The following SMAGP variants were observed in gnomAD, a reference collection of about 807,000 sequenced individuals.
The protein encoded by SMAGP is small cell transmembrane and glycosylated protein.
Under a neutral mutation model 10.1 loss-of-function variants are expected in SMAGP, and 7 were observed. The ratio of observed to expected loss-of-function variants is 0.70; its 90% CI spans 0.40 to 1.31. The LOEUF (loss-of-function observed/expected upper bound fraction) is 1.31, where lower values mean the gene tolerates loss of function less well. Among genes scored for constraint, SMAGP ranks in the 50% most tolerant of loss-of-function variants. SMAGP has a pLI of 0.01. For synonymous variants in SMAGP, 49 were observed against 47.2 expected, an observed-to-expected ratio of 1.04 and a Z score of -0.16; for missense variants, 113 against 116.5, an observed-to-expected ratio of 0.97 and a Z score of 0.14.
chr12:51,246,604 CTG>C (rs59561227), intron 3 of SMAGP, 145 bp downstream of exon 3: 12,360 of 336,238 alleles, frequency 0.037, 4 homozygotes, highest in Middle Eastern at 0.052. Context: ...TCTTTTATGG[CTG>C]TGTGTGTGTG....
chr12:51,265,736 G>C (rs759652838), intron 2 of SMAGP, among the ~76,000 whole-genome samples: 1 of 152,116 alleles, frequency 6.6e-6, no homozygotes, highest in African/African-American at 2.4e-5. Flanking sequence ...GTCAAGTTTC[G>C]GTTTGGGAAG....
chr12:51,248,331 CCT>C (rs1458415919), intron 2 of SMAGP, among the ~76,000 whole-genome samples: 1 of 151,770 alleles, frequency 6.6e-6, no homozygotes, highest in East Asian at 1.9e-4. Context: ...TCTCTGGTCC[CCT>C]CTTTGTCTAG....
intron 2 of SMAGP, among the ~76,000 whole-genome samples, chr12:51,248,731 A>T (rs1372896730): frequency 6.6e-6 from 1 of 152,028 alleles, no homozygotes. Context: ...TTAAAAACCC[A>T]AGAGGACTGG....
intron 2 of SMAGP, among the ~76,000 whole-genome samples, chr12:51,256,388 G>A (rs965606763): frequency 6.6e-6 from 1 of 151,812 alleles, no homozygotes; most frequent in Non-Finnish European, 1.5e-5. Flanking sequence ...GAGTTCAAGA[G>A]CAGCCTGGGC....
chr12:51,254,315 G>A (rs571896909), intron 2 of SMAGP, among the ~76,000 whole-genome samples: 2 of 152,118 alleles, frequency 1.3e-5, no homozygotes, highest in African/African-American at 4.8e-5. Flanking sequence ...TTGGGAGGCC[G>A]AGGCGGGTGG....
Position 51,245,841 on chromosome 12 carries a change from A to G in SMAGP, c.*100T>C. On this transcript the variant is annotated 3_prime_UTR_variant, in exon 4 of 4. Coordinates refer to ENST00000603798, the MANE Select transcript of SMAGP (RefSeq NM_001031628.2). ...CTGGAGCTTGGATTTGCCCACATCA[A>G]TCAATGCTTCTCCCTGGCTTCAGAG... The G allele has an allele frequency of 7.2e-7, 1 of 1,385,144 alleles. No individual in the cohort carries two copies. Among genetic ancestry groups the G allele is most frequent in the Non-Finnish European group, 9.8e-7 (1 of 1,023,624 alleles). 85.8% of individuals were successfully genotyped at this position (1,385,144 alleles called of 1,614,324 possible). A position where few individuals can be genotyped will look rare whatever the true frequency, so the allele number is the denominator to read the frequency against.
chr12:51,256,982 T>G (rs1944891246), intron 2 of SMAGP, among the ~76,000 whole-genome samples: 1 of 152,074 alleles, frequency 6.6e-6, no homozygotes, highest in African/African-American at 2.4e-5. Flanking sequence ...AAGAGAAGTT[T>G]TGGTGAAGTG....
At chr12:51,248,422 ACACACACACACACTCTCTCTCTCT>A (rs1437474594) in intron 2 of SMAGP, among the ~76,000 whole-genome samples, 4 of 111,206 alleles carry the variant, frequency 3.6e-5, no homozygotes, top group East Asian at 3.4e-4. Flanking sequence ...ACACACACAC[ACACACACACACACTCTCTCTCTCT>A]CTCTCTCTCT....
chr12:51,259,703 A>G lies in SMAGP; in HGVS notation c.34+9542T>C, dbSNP rs144116561. Among the ~76,000 whole-genome samples the G allele has an allele frequency of 1.2e-4, 19 of 152,202 alleles. No homozygotes were observed. In the East Asian group the frequency reaches 1.9e-3, roughly 15 times the overall value. On this transcript the variant is annotated intron_variant, in intron 2 of 3. Transcript: ENST00000603798. ...TTACAGATAGGTTGTGGAATTCCCA[A>G]TGATTTTAATTTTCTTCTTTTTTTC...
At chr12:51,258,566 T>C (rs1944905198) in intron 2 of SMAGP, among the ~76,000 whole-genome samples, 1 of 150,704 alleles carries the variant, frequency 6.6e-6, no homozygotes, top group Non-Finnish European at 1.5e-5. Context: ...CACTCCAGCC[T>C]GGGCAACAAG....
intron 2 of SMAGP, among the ~76,000 whole-genome samples, chr12:51,254,494 C>T (rs1944869663): frequency 6.6e-6 from 1 of 151,976 alleles, no homozygotes; most frequent in Non-Finnish European, 1.5e-5. Flanking sequence ...CTGCAGTGAG[C>T]CGAGATTGCA....
Position 51,248,399 on chromosome 12 carries a change from TAC to T in SMAGP, c.35-1570_35-1569del, listed in dbSNP as rs71443213. Among the ~76,000 whole-genome samples, 568 of 132,328 alleles carry T rather than the reference TAC, an allele frequency of 4.3e-3. 7 individuals are homozygous for T. Among genetic ancestry groups the T allele is most frequent in the Middle Eastern group, 7.4e-3 (2 of 270 alleles). The allele number at this position is 132,328 out of a possible 152,430, so 86.8% of individuals were successfully genotyped here. On this transcript the variant is annotated intron_variant, in intron 2 of 3. Coordinates refer to ENST00000603798, the MANE Select transcript of SMAGP (RefSeq NM_001031628.2). Reference sequence around the variant, plus strand: ...TGGGCGAATGGTTACTGTGGTGTTTTACACACACACACACACACACACACACA... The same window carrying T: ...TGGGCGAATGGTTACTGTGGTGTTTTACACACACACACACACACACACACA...
chr12:51,261,573 C>A (rs995240155), intron 2 of SMAGP, among the ~76,000 whole-genome samples: 2 of 152,106 alleles, frequency 1.3e-5, no homozygotes, highest in African/African-American at 4.8e-5. Context: ...GTCTCCCCAA[C>A]AGAAGGAAGA....
chr12:51,265,830 C>T (rs1944968655), intron 2 of SMAGP, among the ~76,000 whole-genome samples: 1 of 152,130 alleles, frequency 6.6e-6, no homozygotes, highest in Non-Finnish European at 1.5e-5. Context: ...GGCCTGTAAT[C>T]CCAGCACTTT....
At chr12:51,266,249 AGC>A (rs1208102446) in intron 2 of SMAGP, among the ~76,000 whole-genome samples, 2 of 152,234 alleles carry the variant, frequency 1.3e-5, no homozygotes, top group Non-Finnish European at 2.9e-5. Context: ...CGTTCTGAGT[AGC>A]GTGATGAAAT....
chr12:51,259,449 G>C (rs1944914364), intron 2 of SMAGP, among the ~76,000 whole-genome samples: 1 of 152,016 alleles, frequency 6.6e-6, no homozygotes, highest in Non-Finnish European at 1.5e-5. Flanking sequence ...AGCTAGAGGG[G>C]CAACTAGTAA....
chr12:51,246,172 G>A (rs1256185282), intron 3 of SMAGP, 53 bp from the exon 4 acceptor site: 6 of 1,600,270 alleles, frequency 3.7e-6, no homozygotes, highest in East Asian at 4.5e-5. Flanking sequence ...GGATGTCTCA[G>A]TAGTTCCTGG....
Position 51,246,764 on chromosome 12 carries a change from T to C in SMAGP, c.102A>G (p.Thr34=). The C allele has an allele frequency of 6.3e-7, 1 of 1,587,184 alleles. No homozygotes were observed. Among genetic ancestry groups the C allele is most frequent in the Non-Finnish European group, 8.6e-7 (1 of 1,166,946 alleles). ...AGAGTCTATTACCTGCAATGAGTGC[T>C]GTGCTGGCTCCATCTTCTGGGGACA... ...EALSPEDGAS[T]ALIAVVITVV... Residue 34 remains threonine, a synonymous_variant, in exon 3 of 4, where the codon ACA becomes ACG. Coordinates refer to ENST00000603798, the MANE Select transcript of SMAGP (RefSeq NM_001031628.2).
intron 2 of SMAGP, among the ~76,000 whole-genome samples, chr12:51,257,958 T>A (rs1944900460): frequency 6.6e-6 from 1 of 152,008 alleles, no homozygotes; most frequent in African/African-American, 2.4e-5. Context: ...GAGATCAGGC[T>A]GAGAGCAACA....
Sources: allele counts gnomAD v4.1 joint callset (sites outside exome capture counted in the v4.1 genomes callset), GRCh38; gene constraint gnomAD v4.1.1; transcripts MANE v1.5; gene names NCBI Gene and HGNC (gene_info 2026-07-23, HGNC 2026-07-21).